NOVA1: variants seen among roughly 807,000 people sequenced by gnomAD.
NOVA1 encodes the protein NOVA alternative splicing regulator 1.
Under a neutral mutation model 38.0 loss-of-function variants are expected in NOVA1, and 7 were observed. The ratio of observed to expected loss-of-function variants is 0.18; its 90% CI spans 0.10 to 0.35. The LOEUF is 0.35. Ranked by LOEUF, NOVA1 falls within the 10% of genes least tolerant of loss-of-function variation. The pLI is 1.00. For missense variants in NOVA1, 460 were observed against 616.0 expected (o/e 0.75, Z 2.68); for synonymous variants, 270 against 232.5 (o/e 1.16, Z -1.47).
intron 2 of NOVA1, among the ~76,000 whole-genome samples, chr14:26,548,549 A>G (rs1011961949): frequency 6.6e-6 from 1 of 151,088 alleles, no homozygotes; most frequent in African/African-American, 2.4e-5. Context: ...ACTATTGACT[A>G]AAAAAAAACC....
At chr14:26,487,903 C>G (rs1400675662) in intron 2 of NOVA1, among the ~76,000 whole-genome samples, 1 of 152,050 alleles carries the variant, frequency 6.6e-6, no homozygotes, top group Non-Finnish European at 1.5e-5. Context: ...GTTTTCAGAT[C>G]AACAAAAGTA....
In NOVA1 at chr14:26,597,688, G is replaced by A. The variant is rs576615454; in HGVS notation, c.-252C>T. The A allele has an allele frequency of 1.7e-6, 2 of 1,172,762 alleles. No individual in the cohort carries two copies. The highest frequency in any genetic ancestry group is 4.4e-5 in the South Asian group (1 of 22,864). 72.6% of individuals were successfully genotyped at this position (1,172,762 alleles called of 1,614,324 possible). A position where few individuals can be genotyped will look rare whatever the true frequency, so the allele number is the denominator to read the frequency against. ...GAAAGGAGACAGGGGAATGGAGGGG[G>A]TGTGAGAGACGGAGGGTGAAAGAAG... On this transcript the variant is annotated 5_prime_UTR_variant, in exon 1 of 5. Transcript: ENST00000539517.
At chr14:26,564,625 T>G (rs945085177) in intron 2 of NOVA1, among the ~76,000 whole-genome samples, 2 of 152,158 alleles carry the variant, frequency 1.3e-5, no homozygotes, top group Non-Finnish European at 2.9e-5. Context: ...CATTTTTATA[T>G]CAGGAAATTG....
At chr14:26,583,881 TCACACACACACA>T (rs36218600) in intron 2 of NOVA1, among the ~76,000 whole-genome samples, 1,899 of 145,686 alleles carry the variant, frequency 0.013, 19 homozygotes, top group Non-Finnish European at 0.018. Context: ...AGCATCAAAT[TCACACACACACA>T]CACACACACA....
At chr14:26,519,820 T>A (rs1022631914) in intron 2 of NOVA1, among the ~76,000 whole-genome samples, 3 of 152,286 alleles carry the variant, frequency 2.0e-5, no homozygotes, top group African/African-American at 7.2e-5. Flanking sequence ...ATAAATTTTC[T>A]ACAAGTAGAA....
intron 2 of NOVA1, among the ~76,000 whole-genome samples, chr14:26,522,870 A>G (rs964802958): frequency 1.3e-5 from 2 of 152,192 alleles, no homozygotes; most frequent in Non-Finnish European, 2.9e-5. Flanking sequence ...AAATTTCTGT[A>G]ACTAATTACA....
intron 2 of NOVA1, among the ~76,000 whole-genome samples, chr14:26,514,546 C>T (rs995493773): frequency 6.6e-6 from 1 of 151,708 alleles, no homozygotes; most frequent in African/African-American, 2.4e-5. Flanking sequence ...GTACGTAATG[C>T]TTAAGGTTCA....
chr14:26,464,481 C>T (rs1489709063), intron 4 of NOVA1, among the ~76,000 whole-genome samples: 2 of 152,150 alleles, frequency 1.3e-5, no homozygotes, highest in Non-Finnish European at 2.9e-5. Flanking sequence ...GGATACTTTT[C>T]TCAGAACATA....
intron 2 of NOVA1, among the ~76,000 whole-genome samples, chr14:26,524,525 A>C (rs1020421768): frequency 6.6e-6 from 1 of 152,144 alleles, no homozygotes. Context: ...CATATTTTAG[A>C]TCTGTCACAT....
chr14:26,495,658 CA>C lies in NOVA1; in HGVS notation c.281-15516del, dbSNP rs1262010904. Among the ~76,000 whole-genome samples, 3 of 142,266 alleles carry C rather than the reference CA, an allele frequency of 2.1e-5. No individual in the cohort carries two copies. The East Asian group carries it at 6.7e-4, about 32-fold the overall frequency. The allele number at this position is 142,266 out of a possible 152,430, so 93.3% of individuals were successfully genotyped here. A position where few individuals can be genotyped will look rare whatever the true frequency, so the allele number is the denominator to read the frequency against. On this transcript the variant is annotated intron_variant, in intron 2 of 4. Coordinates refer to ENST00000539517, the MANE Select transcript of NOVA1 (RefSeq NM_002515.3). ...CTATCCCTACCCCCTCCCCCCACCC[CA>C]CAACAGTCCCCAGAGTGTGACGTTC...
chr14:26,549,864 G>A (rs1891059772), intron 2 of NOVA1: 15 of 504,796 alleles, frequency 3.0e-5, no homozygotes, highest in Non-Finnish European at 4.6e-5. Flanking sequence ...AGTGACTCCT[G>A]TACATACATA....
At chr14:26,472,233 A>T in intron 4 of NOVA1, 87 bp downstream of exon 4, 1 of 797,932 alleles carries the variant, frequency 1.3e-6, no homozygotes, top group Non-Finnish European at 2.2e-6. Flanking sequence ...TGAACGAATA[A>T]ATCCTTAACC....
chr14:26,503,209 T>C (rs1419890180), intron 2 of NOVA1, among the ~76,000 whole-genome samples: 1 of 151,990 alleles, frequency 6.6e-6, no homozygotes, highest in Non-Finnish European at 1.5e-5. Flanking sequence ...ATATGAAATG[T>C]TTTTAAAAAT....
chr14:26,500,646 T>A (rs1887184121), intron 2 of NOVA1, among the ~76,000 whole-genome samples: 1 of 151,916 alleles, frequency 6.6e-6, no homozygotes, highest in Non-Finnish European at 1.5e-5. Context: ...GAAAAACAGA[T>A]AAAAGTTGGA....
At chr14:26,457,776 C>T (rs961097386) in intron 4 of NOVA1, among the ~76,000 whole-genome samples, 2 of 152,050 alleles carry the variant, frequency 1.3e-5, no homozygotes, top group Non-Finnish European at 2.9e-5. Flanking sequence ...CAGAAGAACA[C>T]ATTGTCATCA....
rs1423552462 is a variant in NOVA1, at chr14:26,447,476, CTT to C, written c.*481_*482del. On this transcript the variant is annotated 3_prime_UTR_variant, in exon 5 of 5. Coordinates refer to ENST00000539517, the MANE Select transcript of NOVA1 (RefSeq NM_002515.3). The stretch of plus-strand genomic sequence containing the variant: ...CTTTTTGATCATTTTAAATTTAAAA[CTT>C]ATTTTCAAAATATTGTTTCCTACTT... 6.4e-6 allele frequency: 1 copy of C among 156,048 alleles called. No individual in the cohort carries two copies. The highest frequency in any genetic ancestry group is 1.4e-5 in the Non-Finnish European group (1 of 70,154). The allele number at this position is 156,048 out of a possible 1,614,324, so 9.7% of individuals were successfully genotyped here.
intron 2 of NOVA1, chr14:26,594,032 T>C (rs879712266): frequency 2.0e-5 from 3 of 151,936 alleles, no homozygotes; most frequent in African/African-American, 2.4e-5. Context: ...CAATTCCACA[T>C]TGATTTTTTT....
At chr14:26,519,031 T>A (rs2138493820) in intron 2 of NOVA1, among the ~76,000 whole-genome samples, 1 of 152,242 alleles carries the variant, frequency 6.6e-6, no homozygotes, top group East Asian at 1.9e-4. Context: ...ATCAAAATTT[T>A]GTACTGGATA....
chr14:26,472,834 C>T (rs1305238976), intron 3 of NOVA1, among the ~76,000 whole-genome samples: 1 of 151,976 alleles, frequency 6.6e-6, no homozygotes, highest in Non-Finnish European at 1.5e-5. Flanking sequence ...TTTACTTTGG[C>T]ATAAAATTAT....
Sources: gnomAD v4.1 joint callset for allele counts (sites outside exome capture counted in the v4.1 genomes callset) on GRCh38, gnomAD v4.1.1 for gene constraint, MANE v1.5 for transcripts, NCBI Gene and HGNC (gene_info 2026-07-23, HGNC 2026-07-21) for gene names.